Variants in SLTM observed in about 807,000 individuals in gnomAD.
SLTM encodes SAFB like transcription modulator, also known as SAFB-like transcription modulator.
In SLTM, 43 loss-of-function variants were observed where a neutral mutation model predicts 134.6. The ratio of observed to expected loss-of-function variants is 0.32; its 90% CI spans 0.25 to 0.41. The LOEUF (loss-of-function observed/expected upper bound fraction) is 0.41. SLTM is among the 10% of genes least tolerant of loss of function. The pLI is 1.00. For synonymous variants in SLTM, 424 were observed against 432.3 expected, an observed-to-expected ratio of 0.98 and a Z score of 0.24; for missense variants, 1,055 against 1,288.8, an observed-to-expected ratio of 0.82 and a Z score of 2.78.
intron 19 of SLTM, among the ~76,000 whole-genome samples, chr15:58,884,149 C>T (rs1353796146): frequency 6.6e-6 from 1 of 150,990 alleles, no homozygotes; most frequent in Non-Finnish European, 1.5e-5. Flanking sequence ...TGGTCTCATA[C>T]CAACTTATAT....
rs1445121326 is a variant in SLTM, at chr15:58,889,259, G to A, written c.2204+171C>T. 8 of 685,612 alleles carry A rather than the reference G, an allele frequency of 1.2e-5. No individual in the cohort carries two copies. The African/African-American group carries it at 1.4e-4, about 12-fold the overall frequency. The allele number at this position is 685,612 out of a possible 1,614,324, so 42.5% of individuals were successfully genotyped here. A position where few individuals can be genotyped will look rare whatever the true frequency, so the allele number is the denominator to read the frequency against. ...GTAGACAGGGAAAGAAACACAGACT[G>A]TTCCCACTTGCTAGTGCACTGGGTC... is the stretch of plus-strand genomic sequence containing the variant. On this transcript the variant is annotated intron_variant, in intron 16 of 20. Transcript: ENST00000380516.
At chr15:58,892,162 G>A (rs1162027516) in intron 14 of SLTM, among the ~76,000 whole-genome samples, 2 of 152,158 alleles carry the variant, frequency 1.3e-5, no homozygotes, top group East Asian at 3.8e-4. Context: ...CCCTGGACAA[G>A]ACAGCTTAAC....
intron 5 of SLTM, among the ~76,000 whole-genome samples, chr15:58,911,057 T>C (rs944815083): frequency 1.3e-5 from 2 of 152,132 alleles, no homozygotes; most frequent in African/African-American, 2.4e-5. Context: ...CATAGATTCT[T>C]TATCACTAGG....
intron 20 of SLTM, among the ~76,000 whole-genome samples, chr15:58,882,858 C>T (rs1386801464): frequency 6.6e-6 from 1 of 152,238 alleles, no homozygotes; most frequent in Non-Finnish European, 1.5e-5. Flanking sequence ...GAAAGTAAAG[C>T]TCGCCTCTTA....
intron 5 of SLTM, among the ~76,000 whole-genome samples, chr15:58,910,668 G>A (rs966984566): frequency 2.0e-5 from 3 of 151,114 alleles, no homozygotes; most frequent in Non-Finnish European, 2.9e-5. Context: ...TAAAGACCTC[G>A]ACTTCCCCTT....
At chr15:58,882,448 G>T (rs2033817350) in intron 20 of SLTM, among the ~76,000 whole-genome samples, 1 of 152,188 alleles carries the variant, frequency 6.6e-6, no homozygotes, top group South Asian at 2.1e-4. Context: ...TTAGCCACGG[G>T]AAGGAGCCTG....
Position 58,882,321 on chromosome 15 carries a change from A to G in SLTM, c.2996+1305T>C, listed in dbSNP as rs192668007. Among the ~76,000 whole-genome samples, 411 of 152,288 alleles carry G rather than the reference A, an allele frequency of 2.7e-3. 1 individual carries two copies. Among genetic ancestry groups the G allele is most frequent in the African/African-American group, 9.5e-3 (393 of 41,574 alleles). Reference sequence around the variant, plus strand: ...AAACTGGAGGCAACAAAAGGGACACAAAGGTTTGAAAAAGGAGAGGAATGA... The same window carrying G: ...AAACTGGAGGCAACAAAAGGGACACGAAGGTTTGAAAAAGGAGAGGAATGA... On this transcript the variant is annotated intron_variant, in intron 20 of 20. Transcript: ENST00000380516.
intron 2 of SLTM, among the ~76,000 whole-genome samples, chr15:58,917,783 T>A (rs1283458654): frequency 6.6e-6 from 1 of 152,152 alleles, no homozygotes; most frequent in Non-Finnish European, 1.5e-5. Context: ...AGAGTCGCAC[T>A]CTGTCGCCCA....
rs190675976 is a variant in SLTM, at chr15:58,880,216, T to C, written c.2997-109A>G. 4.2e-6 allele frequency: 6 copies of C among 1,417,868 alleles called. No individual in the cohort carries two copies. The East Asian group carries it at 1.5e-4, about 36-fold the overall frequency. The allele number at this position is 1,417,868 out of a possible 1,614,324, so 87.8% of individuals were successfully genotyped here. ...TATCCAAAATAAATCATTTACTCTT[T>C]TCAACAGTCCCGTGAGGTCTGAACC... On this transcript the variant is annotated intron_variant, in intron 20 of 20. Transcript: ENST00000380516.
intron 5 of SLTM, among the ~76,000 whole-genome samples, chr15:58,902,614 A>G (rs1252490753): frequency 6.6e-6 from 1 of 151,012 alleles, no homozygotes; most frequent in East Asian, 1.9e-4. Context: ...CTGGTCTGGA[A>G]CTCCCAGACT....
chr15:58,896,887 A>C (rs1277477427), intron 9 of SLTM, among the ~76,000 whole-genome samples: 1 of 152,260 alleles, frequency 6.6e-6, no homozygotes, highest in African/African-American at 2.4e-5. Flanking sequence ...AATAGGTTTA[A>C]AGTTTGGAAT....
intron 2 of SLTM, among the ~76,000 whole-genome samples, chr15:58,919,513 C>T (rs1045811282): frequency 6.6e-6 from 1 of 151,814 alleles, no homozygotes; most frequent in Non-Finnish European, 1.5e-5. Flanking sequence ...GGTGGGAGGA[C>T]TGCTTGAACC....
intron 2 of SLTM, among the ~76,000 whole-genome samples, chr15:58,922,318 A>C (rs2037109211): frequency 7.6e-6 from 1 of 131,598 alleles, no homozygotes; most frequent in Non-Finnish European, 1.6e-5. Context: ...TGGAGGTTGC[A>C]GTGAGCCGAG....
At chr15:58,895,641 G>C (rs774202250) in intron 9 of SLTM, among the ~76,000 whole-genome samples, 3 of 152,070 alleles carry the variant, frequency 2.0e-5, no homozygotes, top group Admixed American at 6.6e-5. Flanking sequence ...TTAACTCCAC[G>C]GGTCTTCTTA....
intron 2 of SLTM, among the ~76,000 whole-genome samples, chr15:58,931,084 T>C (rs2037847044): frequency 6.6e-6 from 1 of 152,234 alleles, no homozygotes; most frequent in Non-Finnish European, 1.5e-5. Flanking sequence ...TACTTATTTC[T>C]GAATTTCTAT....
intron 2 of SLTM, among the ~76,000 whole-genome samples, chr15:58,927,176 T>C (rs2037532883): frequency 1.3e-5 from 2 of 152,210 alleles, no homozygotes; most frequent in Non-Finnish European, 2.9e-5. Context: ...ATCCCTGATA[T>C]ACCTGCTTCT....
intron 19 of SLTM, 54 bp downstream of exon 19, chr15:58,886,921 G>A: frequency 1.2e-6 from 2 of 1,606,704 alleles, no homozygotes; most frequent in Non-Finnish European, 1.7e-6. Flanking sequence ...AGTAGCTCAT[G>A]AATCCTCTAA....
In SLTM at chr15:58,893,005, T is replaced by C; in HGVS notation, c.1790A>G (p.Lys597Arg). Residue 597 changes from lysine to arginine, a missense_variant, in exon 14 of 21, where the codon AAA (lysine) becomes AGA (arginine). Lys to Arg is a conservative substitution (Grantham distance 26). Coordinates refer to ENST00000380516, the MANE Select transcript of SLTM (RefSeq NM_024755.4). ...CAAGATCTCTTTCCTTCTGTAGTCT[T>C]TATCTCTTTTTTTATCTAGACTAGC... ...ERASLDKKRDKDYRRKEILPF... is the reference protein window; with the variant it reads ...ERASLDKKRDRDYRRKEILPF... 6.2e-7 allele frequency: 1 copy of C among 1,612,438 alleles called. No homozygotes were observed.
In SLTM at chr15:58,893,259, C is replaced by T; in HGVS notation, c.1734+20G>A. 1 of 1,577,858 alleles carries T rather than the reference C, an allele frequency of 6.3e-7. No homozygotes were observed. The highest frequency in any genetic ancestry group is 8.7e-7 in the Non-Finnish European group (1 of 1,151,934). On this transcript the variant is annotated intron_variant, in intron 13 of 20. Coordinates refer to ENST00000380516, the MANE Select transcript of SLTM (RefSeq NM_024755.4). ...GTAAACAGCTGAAGTAGTATACAACCATCCTGATCAGAGACTTACTTTCTC... is the reference window on the plus strand; with the variant it reads ...GTAAACAGCTGAAGTAGTATACAACTATCCTGATCAGAGACTTACTTTCTC...
Sources: allele counts gnomAD v4.1 joint callset (sites outside exome capture counted in the v4.1 genomes callset), GRCh38; gene constraint gnomAD v4.1.1; transcripts MANE v1.5; gene names NCBI Gene and HGNC (gene_info 2026-07-23, HGNC 2026-07-21).